NTRK3: variants seen among roughly 807,000 people sequenced by gnomAD.
The protein encoded by NTRK3 is neurotrophic receptor tyrosine kinase 3.
NTRK3 carries 24 observed loss-of-function variants against 91.7 expected under a neutral mutation model. The ratio of observed to expected loss-of-function variants is 0.26; its 90% CI spans 0.19 to 0.37. NTRK3 has a LOEUF of 0.37. Ranked by LOEUF, NTRK3 falls within the 10% of genes least tolerant of loss-of-function variation. The probability of loss-of-function intolerance (pLI) is 1.00; values close to 1 mark genes in which losing one functional copy is unlikely to be tolerated. For missense variants in NTRK3, 880 were observed against 1,068.9 expected, an observed-to-expected ratio of 0.82 and a Z score of 2.46; for synonymous variants, 483 against 404.0, an observed-to-expected ratio of 1.20 and a Z score of -2.34.
chr15:88,125,799 C>T (rs958845695), intron 13 of NTRK3, among the ~76,000 whole-genome samples: 3 of 151,326 alleles, frequency 2.0e-5, no homozygotes, highest in Non-Finnish European at 3.0e-5. Flanking sequence ...TGTAGAGCTA[C>T]GTGCTGAGAT....
intron 3 of NTRK3, among the ~76,000 whole-genome samples, chr15:88,224,631 G>T (rs1209729009): frequency 1.3e-5 from 2 of 152,192 alleles, no homozygotes; most frequent in Non-Finnish European, 2.9e-5. Context: ...CAGTCATCAG[G>T]TTCTATCACG....
rs149498248 is a variant in NTRK3 at position 87,997,278 on chromosome 15, C to T, written c.1585+35579G>A. ...ATGAATTACATTCCAATTCCAAATG[C>T]GAGCTGTAAACAATATTCAACAAGA... is the stretch of plus-strand genomic sequence containing the variant. On this transcript the variant is annotated intron_variant, in intron 14 of 18. Coordinates refer to ENST00000394480, the Ensembl canonical transcript of NTRK3. Among the ~76,000 whole-genome samples, 557 of 152,228 alleles carry T rather than the reference C, an allele frequency of 3.7e-3. 8 individuals carry two copies. The South Asian group carries it at 0.038, about 10-fold the overall frequency.
intron 14 of NTRK3, among the ~76,000 whole-genome samples, chr15:88,028,391 C>T (rs571081126): frequency 2.0e-5 from 3 of 151,968 alleles, no homozygotes. Flanking sequence ...GAAAGTGACT[C>T]GGATGCTAAG....
chr15:88,122,903 G>C (rs1003719168), intron 13 of NTRK3, among the ~76,000 whole-genome samples: 1 of 152,148 alleles, frequency 6.6e-6, no homozygotes, highest in Non-Finnish European at 1.5e-5. Flanking sequence ...CAAATGTTGC[G>C]TGGTGTTTTC....
At chr15:88,053,702 T>C (rs1040027830) in intron 13 of NTRK3, among the ~76,000 whole-genome samples, 1 of 152,188 alleles carries the variant, frequency 6.6e-6, no homozygotes, top group African/African-American at 2.4e-5. Context: ...AAGGTTGTTA[T>C]GAGATTTAAA....
chr15:88,169,836 T>C (rs919439019), intron 5 of NTRK3, among the ~76,000 whole-genome samples: 1 of 152,186 alleles, frequency 6.6e-6, no homozygotes, highest in African/African-American at 2.4e-5. Context: ...CTCTTTCAGC[T>C]GCTGACTTGC....
intron 14 of NTRK3, chr15:87,979,367 C>T: frequency 6.2e-7 from 1 of 1,613,426 alleles, no homozygotes; most frequent in Non-Finnish European, 8.5e-7. Flanking sequence ...ACGTCCTTTG[C>T]TGAAATAAAC....
At chr15:87,969,588 T>C (rs2022313698) in intron 14 of NTRK3, among the ~76,000 whole-genome samples, 1 of 152,182 alleles carries the variant, frequency 6.6e-6, no homozygotes, top group South Asian at 2.1e-4. Flanking sequence ...ACATCTTCTG[T>C]GCTATAAATA....
rs140635402 is a variant in NTRK3 at position 87,916,610 on chromosome 15, G to A, written c.2133+12581C>T. Reference sequence around the variant, plus strand: ...GGATTTCTAAACTGCAGAGAGAAGAGACTAAGTTTAGGAGATAACTAGAAA... The same window carrying A: ...GGATTTCTAAACTGCAGAGAGAAGAAACTAAGTTTAGGAGATAACTAGAAA... On this transcript the variant is annotated intron_variant, in intron 17 of 18. Coordinates refer to ENST00000394480, the Ensembl canonical transcript of NTRK3. 116 of 701,972 alleles carry A rather than the reference G, an allele frequency of 1.7e-4. 2 individuals are homozygous for A. The highest frequency in any genetic ancestry group is 1.6e-3 in the African/African-American group (93 of 57,338). The allele number at this position is 701,972 out of a possible 1,614,324, so 43.5% of individuals were successfully genotyped here.
chr15:88,090,593 T>A (rs1175020086), intron 13 of NTRK3, among the ~76,000 whole-genome samples: 1 of 152,162 alleles, frequency 6.6e-6, no homozygotes, highest in Non-Finnish European at 1.5e-5. Flanking sequence ...GAAATGACCG[T>A]GACAGCTGCT....
In NTRK3 at chr15:88,241,061, A is replaced by G. The variant is rs1598134624; in HGVS notation, c.248+14845T>C. On this transcript the variant is annotated intron_variant, in intron 3 of 18. Coordinates refer to ENST00000394480, the Ensembl canonical transcript of NTRK3. This position sits in a 1 kb window ranked among gnomAD's most constrained non-coding sequence, Gnocchi z 4.3. Reference sequence around the variant, plus strand: ...ACTAGGTGGGGGCTCTTGGGGACAGAGCTGAATAAGCCTCAATGCCAGCCT... The same window carrying G: ...ACTAGGTGGGGGCTCTTGGGGACAGGGCTGAATAAGCCTCAATGCCAGCCT... 2.6e-5 allele frequency among the ~76,000 whole-genome samples: 4 copies of G among 152,326 alleles called. 1 individual carries two copies. The highest frequency in any genetic ancestry group is 2.6e-4 in the Admixed American group (4 of 15,308).
At chr15:87,998,215 G>C (rs1284183764) in intron 14 of NTRK3, among the ~76,000 whole-genome samples, 1 of 152,220 alleles carries the variant, frequency 6.6e-6, no homozygotes, top group Non-Finnish European at 1.5e-5. Flanking sequence ...CCCTGGTTGA[G>C]AACCACTGCT....
intron 13 of NTRK3, among the ~76,000 whole-genome samples, chr15:88,082,759 A>G (rs1029000629): frequency 6.6e-6 from 1 of 152,198 alleles, no homozygotes; most frequent in Non-Finnish European, 1.5e-5. Flanking sequence ...AGAGACCTAC[A>G]GGTCCCACTA....
chr15:88,068,163 G>A (rs1340907717), intron 13 of NTRK3, among the ~76,000 whole-genome samples: 1 of 152,196 alleles, frequency 6.6e-6, no homozygotes, highest in Admixed American at 6.5e-5. Flanking sequence ...CAGGTGCAGT[G>A]GCTCACGTCT....
At chr15:87,860,176 A>T (rs963136548) in exon 19 of NTRK3, 49 of 223,556 alleles carry the variant, frequency 2.2e-4, no homozygotes, top group African/African-American at 1.1e-3. Context: ...TCCGATGAAG[A>T]CACATGTTTG....
chr15:88,063,582 C>T (rs1317780691), intron 13 of NTRK3, among the ~76,000 whole-genome samples: 2 of 152,222 alleles, frequency 1.3e-5, no homozygotes, highest in African/African-American at 4.8e-5. Flanking sequence ...TCATGACCCG[C>T]CTGCCTTCTC....
At chr15:88,099,043 T>C (rs1048209676) in intron 13 of NTRK3, 6 of 231,414 alleles carry the variant, frequency 2.6e-5, no homozygotes, top group African/African-American at 1.3e-4. Flanking sequence ...AACGACAAGA[T>C]GTAACAGCCA....
At chr15:87,873,734 AGTGCTTTTCTGGTAT>A (rs1567056218) in exon 19 of NTRK3, 2 of 231,820 alleles carry the variant, frequency 8.6e-6, no homozygotes, top group African/African-American at 4.4e-5. Flanking sequence ...GACCGTCGAC[AGTGCTTTTCTGGTAT>A]GTAGGAATGC....
In NTRK3 at chr15:88,104,073, C is replaced by G. The variant is rs76529272; in HGVS notation, c.1396+22198G>C. 8.2e-3 allele frequency among the ~76,000 whole-genome samples: 1,242 copies of G among 152,312 alleles called. 11 individuals carry two copies. The highest frequency in any genetic ancestry group is 0.028 in the African/African-American group (1,176 of 41,560). The stretch of plus-strand genomic sequence containing the variant: ...CCAGGCATCTGGAAGAAGACATCTG[C>G]TTTGCCTCCAAAAGCAGAGCTGATC... On this transcript the variant is annotated intron_variant, in intron 13 of 18. Transcript: ENST00000394480.
Sources: gnomAD v4.1 joint callset for allele counts (sites outside exome capture counted in the v4.1 genomes callset) on GRCh38, gnomAD v4.1.1 for gene constraint, Gnocchi (gnomAD v3.1) non-coding constraint, MANE v1.5 for transcripts, NCBI Gene and HGNC (gene_info 2026-07-23, HGNC 2026-07-21) for gene names.